The following KCNAB1 variants were observed in gnomAD, a reference collection of about 807,000 sequenced individuals.
The protein encoded by KCNAB1 is voltage-gated potassium channel subunit beta-1.
KCNAB1 carries 35 observed loss-of-function variants against 64.6 expected under a neutral mutation model. That is an observed-to-expected ratio of 0.54 (90% CI 0.41 to 0.72). The LOEUF (loss-of-function observed/expected upper bound fraction) is 0.72. Among genes scored for constraint, KCNAB1 ranks in the 30% least tolerant of loss-of-function variants. The probability of loss-of-function intolerance (pLI) is 0.00; values close to 1 mark genes in which losing one functional copy is unlikely to be tolerated. For missense variants in KCNAB1, 401 were observed against 512.9 expected (o/e 0.78, Z 2.11); for synonymous variants, 177 against 183.8 (o/e 0.96, Z 0.30).
chr3:156,186,459 C>A (rs1577686945), intron 1 of KCNAB1, among the ~76,000 whole-genome samples: 1 of 152,202 alleles, frequency 6.6e-6, no homozygotes, highest in Admixed American at 6.5e-5. Context: ...CCAGACATGG[C>A]AGCCTCTGTT....
At chr3:156,469,947 C>T (rs919400384) in intron 7 of KCNAB1, among the ~76,000 whole-genome samples, 2 of 152,212 alleles carry the variant, frequency 1.3e-5, no homozygotes, top group African/African-American at 4.8e-5. Flanking sequence ...AAGGTGACCT[C>T]ACTCGACATT....
intron 1 of KCNAB1, among the ~76,000 whole-genome samples, chr3:156,177,743 A>G (rs1469787349): frequency 6.6e-6 from 1 of 151,438 alleles, no homozygotes; most frequent in African/African-American, 2.4e-5. Flanking sequence ...GTACACAGGC[A>G]TGCATATCTT....
At chr3:156,253,329 G>A (rs1198222195) in intron 1 of KCNAB1, among the ~76,000 whole-genome samples, 3 of 152,122 alleles carry the variant, frequency 2.0e-5, no homozygotes, top group East Asian at 1.9e-4. Flanking sequence ...CTGAAACAAA[G>A]GCTTTCACAT....
intron 1 of KCNAB1, among the ~76,000 whole-genome samples, chr3:156,417,419 C>T (rs1307524008): frequency 6.6e-6 from 1 of 152,212 alleles, no homozygotes; most frequent in African/African-American, 2.4e-5. Flanking sequence ...TGCTTTCCAG[C>T]TGTCCCTGTT....
intron 1 of KCNAB1, chr3:156,143,349 G>A: frequency 1.2e-6 from 2 of 1,611,230 alleles, no homozygotes; most frequent in Non-Finnish European, 1.7e-6. Context: ...AGAAATATGT[G>A]GAAAAGTTTC....
intron 7 of KCNAB1, among the ~76,000 whole-genome samples, chr3:156,466,008 A>G (rs951821075): frequency 3.3e-5 from 5 of 152,198 alleles, no homozygotes; most frequent in African/African-American, 7.2e-5. Flanking sequence ...TTACCCATTT[A>G]AAGTGTACAT....
chr3:156,121,020 G>C (rs1161667730), intron 1 of KCNAB1, 134 bp downstream of exon 1: 4 of 1,039,802 alleles, frequency 3.8e-6, no homozygotes, highest in Non-Finnish European at 5.5e-6. Context: ...TGGCACTTCA[G>C]AATGTGTAAC....
In KCNAB1 at chr3:156,415,140, AT is replaced by A. The variant is rs138376892; in HGVS notation, c.276-6474del. 3.2e-3 allele frequency among the ~76,000 whole-genome samples: 481 copies of A among 152,328 alleles called. 5 individuals carry two copies. The highest frequency in any genetic ancestry group is 0.011 in the African/African-American group (472 of 41,564). Reference sequence around the variant, plus strand: ...GATCATTAGGGCAACTGAGAGGATCATTAGGCCAGGGAAGTGGGTCTTGAAA... The same window carrying A: ...GATCATTAGGGCAACTGAGAGGATCATAGGCCAGGGAAGTGGGTCTTGAAA... On this transcript the variant is annotated intron_variant, in intron 1 of 13. Transcript: ENST00000490337.
chr3:156,210,729 C>G (rs776438324), intron 1 of KCNAB1, among the ~76,000 whole-genome samples: 10 of 152,236 alleles, frequency 6.6e-5, no homozygotes, highest in Non-Finnish European at 1.2e-4. Context: ...TGGGCTTTCT[C>G]TGCTCCCCAC....
chr3:156,464,705 T>C (rs547206129), intron 6 of KCNAB1, among the ~76,000 whole-genome samples: 1 of 152,262 alleles, frequency 6.6e-6, no homozygotes, highest in Non-Finnish European at 1.5e-5. Context: ...TATAATGATA[T>C]GAAGACAGAA....
Position 156,147,940 on chromosome 3 carries a change from G to GACACACACACACACACACACACACAC in KCNAB1, c.275+27074_275+27075insACACACACACACACACACACACACAC, listed in dbSNP as rs6148150. Among the ~76,000 whole-genome samples the GACACACACACACACACACACACACAC allele has an allele frequency of 1.4e-3, 198 of 146,104 alleles. 1 individual carries two copies. Among genetic ancestry groups the GACACACACACACACACACACACACAC allele is most frequent in the African/African-American group, 3.2e-3 (123 of 39,018 alleles). ...CAACCTCCATCCCACCACATGCCAA[G>GACACACACACACACACACACACACAC]ACACACACACACACACACACGCACG... On this transcript the variant is annotated intron_variant, in intron 1 of 13. Coordinates refer to ENST00000490337, the MANE Select transcript of KCNAB1 (RefSeq NM_172160.3).
At chr3:156,291,609 C>G in intron 1 of KCNAB1, 2 of 1,286,452 alleles carry the variant, frequency 1.6e-6, no homozygotes, top group South Asian at 3.3e-5. Context: ...TTTAATCAGC[C>G]GAGATTACAG....
chr3:156,520,129 C>T (rs1559927575), intron 11 of KCNAB1, among the ~76,000 whole-genome samples: 1 of 152,066 alleles, frequency 6.6e-6, no homozygotes, highest in Non-Finnish European at 1.5e-5. Context: ...CTGATGAGTA[C>T]GTAAGAGGTA....
At chr3:156,159,267 ACT>A (rs1157865073) in intron 1 of KCNAB1, among the ~76,000 whole-genome samples, 1 of 149,834 alleles carries the variant, frequency 6.7e-6, no homozygotes. Context: ...TTGCTCTAAA[ACT>A]CTGACTTCTT....
At position 156,452,074 on chromosome 3, in the gene KCNAB1, C is replaced by T. The variant is rs149910539; in HGVS notation, c.320-825C>T. Among the ~76,000 whole-genome samples, 1 of 152,058 alleles carries T rather than the reference C, an allele frequency of 6.6e-6. No individual in the cohort carries two copies. The highest frequency in any genetic ancestry group is 1.5e-5 in the Non-Finnish European group (1 of 68,030). On this transcript the variant is annotated intron_variant, in intron 2 of 13. Transcript: ENST00000490337. This position sits in a 1 kb window ranked among gnomAD's most constrained non-coding sequence, Gnocchi z 4.6. ...ACGTGAGTGCAATGCTTTTATGTGGCATGTAATTAGGAATCAAAAGAATTC... is the reference window on the plus strand; with the variant it reads ...ACGTGAGTGCAATGCTTTTATGTGGTATGTAATTAGGAATCAAAAGAATTC...
At chr3:156,144,626 G>T (rs1479010825) in intron 1 of KCNAB1, among the ~76,000 whole-genome samples, 1 of 152,182 alleles carries the variant, frequency 6.6e-6, no homozygotes, top group Admixed American at 6.5e-5. Flanking sequence ...GTCACCGGAA[G>T]GAGCCTGCTT....
At position 156,479,631 on chromosome 3, in the gene KCNAB1, TTTAG is replaced by T. The variant is rs373950375; in HGVS notation, c.658+4818_658+4821del. Among the ~76,000 whole-genome samples the T allele has an allele frequency of 1.1e-4, 17 of 152,302 alleles. No individual in the cohort carries two copies. The South Asian group carries it at 1.2e-3, about 11-fold the overall frequency. ...ATATGATTTTTAAATTAAATTAAAT[TTTAG>T]TTAGTTTTTTATTTTAAAAACACTT... On this transcript the variant is annotated intron_variant, in intron 8 of 13. Coordinates refer to ENST00000490337, the MANE Select transcript of KCNAB1 (RefSeq NM_172160.3).
At chr3:156,502,172 G>T (rs192106095) in intron 8 of KCNAB1, among the ~76,000 whole-genome samples, 60 of 152,126 alleles carry the variant, frequency 3.9e-4, no homozygotes, top group African/African-American at 1.3e-3. Context: ...AAAATAATTT[G>T]ATAAGCTAAT....
chr3:156,312,232 T>C (rs562078638), intron 1 of KCNAB1, among the ~76,000 whole-genome samples: 33 of 152,312 alleles, frequency 2.2e-4, no homozygotes, highest in African/African-American at 7.5e-4. Flanking sequence ...TATATTAACA[T>C]AGACCATCAC....
Sources: gnomAD v4.1 joint callset for allele counts (sites outside exome capture counted in the v4.1 genomes callset) on GRCh38, gnomAD v4.1.1 for gene constraint, Gnocchi (gnomAD v3.1) non-coding constraint, MANE v1.5 for transcripts, NCBI Gene and HGNC (gene_info 2026-07-23, HGNC 2026-07-21) for gene names.